Variants in GRIK4 observed in about 807,000 individuals in gnomAD.
GRIK4 encodes the protein glutamate receptor ionotropic, kainate 4.
In GRIK4, 40 loss-of-function variants were observed where a neutral mutation model predicts 104.9. The ratio of observed to expected loss-of-function variants is 0.38; its 90% CI spans 0.30 to 0.50. The LOEUF is 0.50. Ranked by LOEUF, GRIK4 falls within the 20% of genes least tolerant of loss-of-function variation. GRIK4 has a pLI of 0.93. For synonymous variants in GRIK4, 485 were observed against 524.9 expected, an observed-to-expected ratio of 0.92 and a Z score of 1.04; for missense variants, 1,047 against 1,308.1, an observed-to-expected ratio of 0.80 and a Z score of 3.08.
At chr11:120,912,029 C>A (rs962269927) in intron 13 of GRIK4, among the ~76,000 whole-genome samples, 5 of 152,028 alleles carry the variant, frequency 3.3e-5, no homozygotes, top group Non-Finnish European at 7.4e-5. Flanking sequence ...TACACAAGTT[C>A]TTTTTGTAAA....
At chr11:120,519,797 A>C (rs965902577) in intron 1 of GRIK4, among the ~76,000 whole-genome samples, 2 of 150,844 alleles carry the variant, frequency 1.3e-5, no homozygotes, top group African/African-American at 4.9e-5. Flanking sequence ...TGGGTGCACA[A>C]GTGTATGTGA....
At chr11:120,708,893 G>A (rs1326661283) in intron 3 of GRIK4, among the ~76,000 whole-genome samples, 1 of 149,754 alleles carries the variant, frequency 6.7e-6, no homozygotes, top group Admixed American at 6.6e-5. Context: ...TTGCTTGCAG[G>A]ACTCCAGCAA....
chr11:120,784,006 G>A (rs980106832), intron 3 of GRIK4, among the ~76,000 whole-genome samples: 2 of 152,106 alleles, frequency 1.3e-5, no homozygotes, highest in South Asian at 2.1e-4. Flanking sequence ...GACAGGGAGC[G>A]AGGCAGGGTT....
chr11:120,984,484 A>G (rs943205898), intron 20 of GRIK4, among the ~76,000 whole-genome samples: 17 of 152,208 alleles, frequency 1.1e-4, no homozygotes, highest in African/African-American at 4.1e-4. Context: ...ATACAGGCCC[A>G]TCGGCCAGGC....
In GRIK4 at chr11:120,986,265, G is replaced by A. The variant is rs1158926225; in HGVS notation, c.*5G>A. The stretch of plus-strand genomic sequence containing the variant: ...AACAGCAGCGAGCCCGAGTAGTCCC[G>A]GAGGCCACAGGACGCGCAGAGGCCG... On this transcript the variant is annotated 3_prime_UTR_variant, in exon 21 of 21. Transcript: ENST00000527524. 4.5e-6 allele frequency: 7 copies of A among 1,551,290 alleles called. No homozygotes were observed. Among genetic ancestry groups the A allele is most frequent in the African/African-American group, 4.3e-5 (3 of 70,546 alleles).
At chr11:120,877,311 G>T (rs1399051824) in intron 11 of GRIK4, among the ~76,000 whole-genome samples, 2 of 152,160 alleles carry the variant, frequency 1.3e-5, no homozygotes, top group Non-Finnish European at 2.9e-5. Flanking sequence ...TACCATGCTG[G>T]GCCTGGGGGA....
chr11:120,690,014 T>C (rs1379804728), intron 3 of GRIK4, among the ~76,000 whole-genome samples: 1 of 152,232 alleles, frequency 6.6e-6, no homozygotes. Flanking sequence ...TTAAAGTTTT[T>C]TTTTCCTTAG....
At chr11:120,711,185 C>T (rs990021162) in intron 3 of GRIK4, among the ~76,000 whole-genome samples, 1 of 152,202 alleles carries the variant, frequency 6.6e-6, no homozygotes, top group African/African-American at 2.4e-5. Flanking sequence ...ATACTAATGG[C>T]AGCAGTGGAG....
chr11:120,937,734 T>G (rs1411752558), intron 13 of GRIK4, among the ~76,000 whole-genome samples: 1 of 152,224 alleles, frequency 6.6e-6, no homozygotes, highest in Admixed American at 6.5e-5. Flanking sequence ...CATGTGGTCA[T>G]TCTCCCTGTG....
chr11:120,769,096 A>G (rs1951892294), intron 3 of GRIK4, among the ~76,000 whole-genome samples: 1 of 152,120 alleles, frequency 6.6e-6, no homozygotes, highest in African/African-American at 2.4e-5. Context: ...TTTTTGGAAG[A>G]GTTTAAGAAG....
intron 9 of GRIK4, among the ~76,000 whole-genome samples, chr11:120,864,416 A>G (rs1412503806): frequency 6.6e-6 from 1 of 151,606 alleles, no homozygotes; most frequent in Middle Eastern, 3.2e-3. Flanking sequence ...AATTTTTTGT[A>G]TTTTTAGTAG....
At chr11:120,926,967 C>A (rs181381142) in intron 13 of GRIK4, among the ~76,000 whole-genome samples, 3 of 152,268 alleles carry the variant, frequency 2.0e-5, no homozygotes, top group Middle Eastern at 3.4e-3. Flanking sequence ...GCATTGATGG[C>A]ATGGTGCTTG....
At chr11:120,585,214 C>G (rs1948643865) in intron 1 of GRIK4, among the ~76,000 whole-genome samples, 1 of 152,122 alleles carries the variant, frequency 6.6e-6, no homozygotes, top group Non-Finnish European at 1.5e-5. Flanking sequence ...GTCAATGGAC[C>G]CTTGGGTTGC....
intron 1 of GRIK4, among the ~76,000 whole-genome samples, chr11:120,560,141 C>T (rs766512314): frequency 9.9e-5 from 15 of 152,054 alleles, no homozygotes; most frequent in Admixed American, 2.0e-4. Context: ...CCTCCACCTC[C>T]GGGTTCAAGG....
At position 120,939,751 on chromosome 11, in the gene GRIK4, G is replaced by A. The variant is rs989256024; in HGVS notation, c.1477-596G>A. ...AATCCCATCACTTTGGGAGGCCAGG[G>A]CGGGCAGATCACGGGGTCAGGAGTT... On this transcript the variant is annotated intron_variant, in intron 13 of 20. Coordinates refer to ENST00000527524, the MANE Select transcript of GRIK4 (RefSeq NM_014619.5). This position sits in a 1 kb window ranked among gnomAD's most constrained non-coding sequence, Gnocchi z 5.6. Among the ~76,000 whole-genome samples, 8 of 152,188 alleles carry A rather than the reference G, an allele frequency of 5.3e-5. No individual in the cohort carries two copies. Among genetic ancestry groups the A allele is most frequent in the African/African-American group, 1.7e-4 (7 of 41,450 alleles).
At chr11:120,980,642 G>A (rs1028130810) in intron 19 of GRIK4, among the ~76,000 whole-genome samples, 5 of 152,250 alleles carry the variant, frequency 3.3e-5, no homozygotes, top group South Asian at 2.1e-4. Flanking sequence ...CTTCCCCCTG[G>A]AAGGTAGAAT....
chr11:120,767,584 C>CAAAATAA (rs1951862122), intron 3 of GRIK4, among the ~76,000 whole-genome samples: 1 of 151,952 alleles, frequency 6.6e-6, no homozygotes, highest in South Asian at 2.1e-4. Context: ...GCTTTTGTAG[C>CAAAATAA]CTGAGCTTTT....
chr11:120,645,317 G>A (rs1240858818), intron 1 of GRIK4, among the ~76,000 whole-genome samples: 1 of 152,204 alleles, frequency 6.6e-6, no homozygotes, highest in Non-Finnish European at 1.5e-5. Context: ...GGTGACTGAT[G>A]TCTCTGCCTG....
At chr11:120,896,235 T>A (rs922582583) in intron 11 of GRIK4, among the ~76,000 whole-genome samples, 1 of 152,218 alleles carries the variant, frequency 6.6e-6, no homozygotes, top group African/African-American at 2.4e-5. Context: ...GGAAGATTCA[T>A]CTGGGCTTAA....
Sources: gnomAD v4.1 joint callset for allele counts (sites outside exome capture counted in the v4.1 genomes callset) on GRCh38, gnomAD v4.1.1 for gene constraint, Gnocchi (gnomAD v3.1) non-coding constraint, MANE v1.5 for transcripts, NCBI Gene and HGNC (gene_info 2026-07-23, HGNC 2026-07-21) for gene names.